The following UBA52 variants were observed in gnomAD, a reference collection of about 807,000 sequenced individuals.
UBA52 encodes ubiquitin A-52 residue ribosomal protein fusion product 1.
A neutral mutation model predicts 15.3 loss-of-function variants in UBA52; 1 was observed. The observed-to-expected ratio is 0.07, with a 90% CI of 0.02 to 0.31. UBA52 has a LOEUF of 0.31. Among genes scored for constraint, UBA52 ranks in the 10% least tolerant of loss-of-function variants. The pLI is 1.00. For synonymous variants in UBA52, 50 were observed against 58.3 expected, an observed-to-expected ratio of 0.86 and a Z score of 0.65; for missense variants, 87 against 168.0, an observed-to-expected ratio of 0.52 and a Z score of 2.66.
chr19:18,573,719 G>A lies in UBA52; in HGVS notation c.161G>A (p.Arg54His). Residue 54 changes from arginine to histidine, a missense_variant, in exon 3 of 5, where the codon CGC (arginine) becomes CAC (histidine). Coordinates refer to ENST00000442744, the MANE Select transcript of UBA52 (RefSeq NM_001033930.3). ...IFAGKQLEDG[R>H]TLSDYNIQKE... is the part of the protein sequence containing the mutation. ...GCCGGCAAACAGCTGGAGGATGGCC[G>A]CACTCTCTCAGACTACAACATCCAG... The A allele has an allele frequency of 2.5e-6, 4 of 1,614,126 alleles. No homozygotes were observed. The highest frequency in any genetic ancestry group is 1.1e-5 in the South Asian group (1 of 91,078).
chr19:18,566,814 C>T (rs1160059999), upstream of UBA52, among the ~76,000 whole-genome samples: 1 of 151,820 alleles, frequency 6.6e-6, no homozygotes, highest in Non-Finnish European at 1.5e-5. Context: ...AAAAATTTAT[C>T]AGAGAAGAGG....
At chr19:18,570,870 A>T (rs1426667585), upstream of UBA52, among the ~76,000 whole-genome samples, 1 of 151,408 alleles carries the variant, frequency 6.6e-6, no homozygotes, top group Non-Finnish European at 1.5e-5. Context: ...TATTTTTAGT[A>T]GAGATGCGGT....
intron 1 of UBA52, 84 bp from the exon 2 acceptor site, chr19:18,573,209 A>G (rs1025040417): frequency 2.2e-6 from 3 of 1,341,716 alleles, no homozygotes; most frequent in Non-Finnish European, 3.2e-6. Context: ...GCAAAGGGAT[A>G]GCAACTGTGG....
In UBA52 at chr19:18,575,391, C is replaced by T. The variant is rs1975740501; in HGVS notation, c.*241C>T. ...CGGCATTGGTCCCTGCCCTATGCCC[C>T]TGACTCTGGATTTGTCATCTGTAAA... On this transcript the variant is annotated 3_prime_UTR_variant, in exon 5 of 5. Coordinates refer to ENST00000442744, the MANE Select transcript of UBA52 (RefSeq NM_001033930.3). 3 of 525,912 alleles carry T rather than the reference C, an allele frequency of 5.7e-6. No homozygotes were observed. Among genetic ancestry groups the T allele is most frequent in the African/African-American group, 3.8e-5 (2 of 52,144 alleles). 32.6% of individuals were successfully genotyped at this position (525,912 alleles called of 1,614,324 possible).
At chr19:18,567,099 G>T (rs762360237), upstream of UBA52, 1 of 1,612,046 alleles carries the variant, frequency 6.2e-7, no homozygotes, top group South Asian at 1.1e-5. Flanking sequence ...CTGCTCAGCA[G>T]GTTAAGCCCT....
At chr19:18,571,526 T>C (rs1489458401), upstream of UBA52, among the ~76,000 whole-genome samples, 1 of 152,206 alleles carries the variant, frequency 6.6e-6, no homozygotes, top group Admixed American at 6.5e-5. Flanking sequence ...GTCCTCTGCT[T>C]AATACCTTTG....
intron 1 of UBA52, 104 bp from the exon 2 acceptor site, chr19:18,573,189 C>T (rs1975593432): frequency 1.6e-6 from 2 of 1,218,834 alleles, no homozygotes; most frequent in African/African-American, 1.5e-5. Context: ...ACCAGTTGGA[C>T]TTGGTGCAGG....
At chr19:18,568,548 G>T, upstream of UBA52, 4 of 1,613,922 alleles carry the variant, frequency 2.5e-6, no homozygotes, top group Non-Finnish European at 3.4e-6. Context: ...CCCCGGCTTC[G>T]AGGACCTGTC....
chr19:18,564,036 G>A, the UBA52 span, among the ~76,000 whole-genome samples: 3 of 151,986 alleles, frequency 2.0e-5, no homozygotes, highest in African/African-American at 4.8e-5. Flanking sequence ...ACAGGCGCCC[G>A]CCACCATGCC....
upstream of UBA52, chr19:18,567,358 G>T: frequency 1.5e-6 from 1 of 662,906 alleles, no homozygotes; most frequent in South Asian, 1.7e-5. Context: ...GCAGCTGGCA[G>T]AGTGGGCACT....
chr19:18,565,085 G>C, the UBA52 span: 1 of 1,582,414 alleles, frequency 6.3e-7, no homozygotes, highest in South Asian at 1.1e-5. Context: ...CTGAGCCTCA[G>C]TTTCCTTCAC....
rs1337780764 is a variant in UBA52 at position 18,576,894 on chromosome 19, C to T, written c.*1744C>T. 6.6e-6 allele frequency: 1 copy of T among 151,538 alleles called. No individual in the cohort carries two copies. The highest frequency in any genetic ancestry group is 2.4e-5 in the African/African-American group (1 of 41,256). The allele number at this position is 151,538 out of a possible 1,614,324, so 9.4% of individuals were successfully genotyped here. On this transcript the variant is annotated 3_prime_UTR_variant, in exon 5 of 5. Coordinates refer to ENST00000442744, the MANE Select transcript of UBA52 (RefSeq NM_001033930.3). ...TGTTGGCCAGGCTGGTCTTGAACTA[C>T]TGACCTCTTGTGATCTACCTGTCTT...
chr19:18,575,003 G>A, intron 4 of UBA52, 31 bp downstream of exon 4: 1 of 1,614,214 alleles, frequency 6.2e-7, no homozygotes, highest in Non-Finnish European at 8.5e-7. Context: ...GGGGGGCTGT[G>A]GGGGCTGCCG....
the UBA52 span, among the ~76,000 whole-genome samples, chr19:18,565,914 C>T: frequency 1.3e-5 from 2 of 152,194 alleles, no homozygotes; most frequent in Admixed American, 1.3e-4. Context: ...TCTCAAACTC[C>T]TGAGCTCCAG....
At chr19:18,568,514 C>T (rs751651538), upstream of UBA52, 14 of 1,613,982 alleles carry the variant, frequency 8.7e-6, no homozygotes, top group East Asian at 2.2e-5. Flanking sequence ...ACACCAGCCC[C>T]GACACCGTCT....
the UBA52 span, among the ~76,000 whole-genome samples, chr19:18,564,102 G>A: frequency 6.6e-6 from 1 of 151,866 alleles, no homozygotes; most frequent in Admixed American, 6.6e-5. Flanking sequence ...GGCAAGGCTG[G>A]TCTCGAACTC....
chr19:18,572,957 A>G lies in UBA52; in HGVS notation c.-8-336A>G. On this transcript the variant is annotated intron_variant, in intron 1 of 4. Coordinates refer to ENST00000442744, the MANE Select transcript of UBA52 (RefSeq NM_001033930.3). The stretch of plus-strand genomic sequence containing the variant: ...AGATGGATCTAGCAAGATGATGCCA[A>G]AGGGTACTTATTCCATCAGGAGATA... 9 of 1,140,156 alleles carry G rather than the reference A, an allele frequency of 7.9e-6. 1 individual carries two copies. The South Asian group carries it at 1.2e-4, about 16-fold the overall frequency. 70.6% of individuals were successfully genotyped at this position (1,140,156 alleles called of 1,614,324 possible).
chr19:18,567,905 T>TCCTCA (rs1412198591), upstream of UBA52, among the ~76,000 whole-genome samples: 6 of 152,124 alleles, frequency 3.9e-5, no homozygotes, highest in Non-Finnish European at 8.8e-5. Flanking sequence ...TTGTGTCCCT[T>TCCTCA]CCTCACCTCA....
upstream of UBA52, among the ~76,000 whole-genome samples, chr19:18,570,120 G>A (rs1600605150): frequency 6.6e-6 from 1 of 152,154 alleles, no homozygotes; most frequent in Admixed American, 6.5e-5. Context: ...GCCTGCAAAT[G>A]TTCAAGGAAA....
Sources: allele counts gnomAD v4.1 joint callset (sites outside exome capture counted in the v4.1 genomes callset), GRCh38; gene constraint gnomAD v4.1.1; transcripts MANE v1.5; gene names NCBI Gene and HGNC (gene_info 2026-07-23, HGNC 2026-07-21).